REEP6: variants seen among roughly 807,000 people sequenced by gnomAD.
The protein encoded by REEP6 is receptor accessory protein 6.
In REEP6, 19 loss-of-function variants were observed where a neutral mutation model predicts 22.4. The observed-to-expected ratio is 0.85, with a 90% CI of 0.59 to 1.25. The LOEUF (loss-of-function observed/expected upper bound fraction) is 1.25. REEP6 is among the 50% of genes most tolerant of loss of function. The pLI is 0.00. For missense variants in REEP6, 273 were observed against 251.9 expected (o/e 1.08, Z -0.57); for synonymous variants, 121 against 113.6 (o/e 1.06, Z -0.41).
intron 4 of REEP6, among the ~76,000 whole-genome samples, chr19:1,496,871 C>A (rs149111387): frequency 6.6e-6 from 1 of 152,078 alleles, no homozygotes; most frequent in African/African-American, 2.4e-5. Context: ...TGTTTTCTCA[C>A]GTGTGCATAT....
rs746717467 is a variant in REEP6 at position 1,497,143 on chromosome 19, G to A, written c.518-31G>A. The A allele has an allele frequency of 8.1e-6, 11 of 1,351,128 alleles. No homozygotes were observed. Among genetic ancestry groups the A allele is most frequent in the South Asian group, 3.0e-5 (2 of 65,960 alleles). The allele number at this position is 1,351,128 out of a possible 1,614,324, so 83.7% of individuals were successfully genotyped here. ...TCCGGGGAGCCCAGGCCTGCCTCAC[G>A]GCCCTCCCCCACCCGCCCCTCTCTC... On this transcript the variant is annotated intron_variant, in intron 4 of 4. Coordinates refer to ENST00000233596, the MANE Select transcript of REEP6 (RefSeq NM_138393.4). This position sits in a 1 kb window ranked among gnomAD's most constrained non-coding sequence, Gnocchi z 6.5.
intron 1 of REEP6, among the ~76,000 whole-genome samples, chr19:1,492,207 T>A (rs907587363): frequency 4.6e-5 from 7 of 152,104 alleles, no homozygotes; most frequent in Non-Finnish European, 1.0e-4. Context: ...CTCCACCTCC[T>A]GGGTTCAAGC....
chr19:1,495,137 G>A (rs1008374937), intron 1 of REEP6, among the ~76,000 whole-genome samples, 157 bp from the exon 2 acceptor site: 4 of 152,234 alleles, frequency 2.6e-5, no homozygotes, highest in Admixed American at 6.5e-5. Context: ...CACGATGGGG[G>A]ATGTACAGGC....
At position 1,491,499 on chromosome 19, in the gene REEP6, G is replaced by A. The variant is rs2084938946; in HGVS notation, c.115+115G>A. Reference sequence around the variant, plus strand: ...GGGTCCGGTCCGGCCGGTGGAGCGCGCGAGGTGACTGGGACCTCGAGGTCC... The same window carrying A: ...GGGTCCGGTCCGGCCGGTGGAGCGCACGAGGTGACTGGGACCTCGAGGTCC... On this transcript the variant is annotated intron_variant, in intron 1 of 4. Transcript: ENST00000233596. The surrounding 1 kb of genome is among the most constrained non-coding windows in gnomAD (Gnocchi z 5.4). The A allele has an allele frequency of 2.8e-5, 19 of 671,938 alleles. No individual in the cohort carries two copies. The highest frequency in any genetic ancestry group is 4.0e-5 in the Non-Finnish European group (18 of 454,772). 41.6% of individuals were successfully genotyped at this position (671,938 alleles called of 1,614,324 possible). A position where few individuals can be genotyped will look rare whatever the true frequency, so the allele number is the denominator to read the frequency against.
intron 1 of REEP6, among the ~76,000 whole-genome samples, chr19:1,494,266 A>G (rs893659971): frequency 2.6e-5 from 4 of 152,082 alleles, no homozygotes; most frequent in African/African-American, 9.7e-5. Flanking sequence ...GGGGATCGAG[A>G]TGCTGGGGTT....
At chr19:1,493,807 G>A (rs1438449129) in intron 1 of REEP6, among the ~76,000 whole-genome samples, 1 of 151,786 alleles carries the variant, frequency 6.6e-6, no homozygotes, top group Non-Finnish European at 1.5e-5. Context: ...GTGCAGAAAG[G>A]CTGATGGCGG....
chr19:1,492,301 T>A (rs1320683924), intron 1 of REEP6, among the ~76,000 whole-genome samples: 1 of 151,972 alleles, frequency 6.6e-6, no homozygotes, highest in Non-Finnish European at 1.5e-5. Context: ...TTTTAGCCGT[T>A]CAACATGGTG....
At position 1,497,787 on chromosome 19, in the gene REEP6, A is replaced by G. The variant is rs1165350599; in HGVS notation, c.*576A>G. 2 of 470,408 alleles carry G rather than the reference A, an allele frequency of 4.3e-6. No homozygotes were observed. The highest frequency in any genetic ancestry group is 4.7e-5 in the Admixed American group (2 of 42,560). The allele number at this position is 470,408 out of a possible 1,614,324, so 29.1% of individuals were successfully genotyped here. ...CGAGCTGGTCCCCTGCCATTCCGGG[A>G]CCTCTCTGGAGTACACTTCGGAGTC... On this transcript the variant is annotated 3_prime_UTR_variant, in exon 5 of 5. Transcript: ENST00000233596. This position sits in a 1 kb window ranked among gnomAD's most constrained non-coding sequence, Gnocchi z 6.5.
chr19:1,496,773 G>A, intron 4 of REEP6: 1 of 609,686 alleles, frequency 1.6e-6, no homozygotes, highest in East Asian at 3.0e-5. Flanking sequence ...ATGTATTATT[G>A]TGTGTGCATG....
chr19:1,495,068 C>T (rs1344681043), intron 1 of REEP6, among the ~76,000 whole-genome samples: 1 of 152,220 alleles, frequency 6.6e-6, no homozygotes, highest in Non-Finnish European at 1.5e-5. Context: ...AGCTCTCAAC[C>T]CCGGTGGGGG....
rs2244801 is a variant in REEP6 at position 1,497,122 on chromosome 19, G to T, written c.518-52G>T. On this transcript the variant is annotated intron_variant, in intron 4 of 4. Transcript: ENST00000233596. The surrounding 1 kb of genome is among the most constrained non-coding windows in gnomAD (Gnocchi z 6.5). ...TCAGTCCCGCCTGCGAGCAGCTCCG[G>T]GGAGCCCAGGCCTGCCTCACGGCCC... 454,829 of 1,304,554 alleles carry T rather than the reference G, an allele frequency of 0.35. 91,214 individuals are homozygous for T. Among genetic ancestry groups the T allele is most frequent in the African/African-American group, 0.64 (42,434 of 65,884 alleles). 80.8% of individuals were successfully genotyped at this position (1,304,554 alleles called of 1,614,324 possible). A position where few individuals can be genotyped will look rare whatever the true frequency, so the allele number is the denominator to read the frequency against.
At chr19:1,495,685 T>C in intron 3 of REEP6, 78 bp downstream of exon 3, 1 of 1,578,540 alleles carries the variant, frequency 6.3e-7, no homozygotes, top group Non-Finnish European at 8.7e-7. Context: ...GGCCAGAAAG[T>C]CCGGAGGATA....
chr19:1,495,256 G>A (rs749994187), intron 1 of REEP6, 38 bp from the exon 2 acceptor site: 1 of 1,598,646 alleles, frequency 6.3e-7, no homozygotes, highest in South Asian at 1.1e-5. Context: ...GGCTCAGCGG[G>A]TCCCCAGCCC....
intron 1 of REEP6, among the ~76,000 whole-genome samples, chr19:1,492,767 C>T (rs914226114): frequency 6.6e-6 from 1 of 152,090 alleles, no homozygotes; most frequent in Non-Finnish European, 1.5e-5. Context: ...TCTGGGGGTT[C>T]CCATGCCAGG....
At position 1,497,289 on chromosome 19, in the gene REEP6, T is replaced by C. The variant is rs1156679451; in HGVS notation, c.*78T>C. The C allele has an allele frequency of 7.6e-7, 1 of 1,308,680 alleles. No homozygotes were observed. Among genetic ancestry groups the C allele is most frequent in the Non-Finnish European group, 1.1e-6 (1 of 925,578 alleles). The allele number at this position is 1,308,680 out of a possible 1,614,324, so 81.1% of individuals were successfully genotyped here. A position where few individuals can be genotyped will look rare whatever the true frequency, so the allele number is the denominator to read the frequency against. Reference sequence around the variant, plus strand: ...GCCAGGCTCCCAGGCCTCCACAGAGTCTTCAGCGCATCCCCCAACAGCAGC... The same window carrying C: ...GCCAGGCTCCCAGGCCTCCACAGAGCCTTCAGCGCATCCCCCAACAGCAGC... On this transcript the variant is annotated 3_prime_UTR_variant, in exon 5 of 5. Transcript: ENST00000233596. The surrounding 1 kb of genome is among the most constrained non-coding windows in gnomAD (Gnocchi z 6.5).
At chr19:1,495,751 C>G (rs767074336) in intron 3 of REEP6, 144 bp downstream of exon 3, 6 of 1,188,362 alleles carry the variant, frequency 5.0e-6, no homozygotes, top group Non-Finnish European at 7.0e-6. Flanking sequence ...GGAAACGAGC[C>G]CTGTCCGGGG....
Position 1,496,429 on chromosome 19 carries a change from G to A in REEP6, c.493G>A (p.Ala165Thr), listed in dbSNP as rs201091937. 78 of 1,612,410 alleles carry A rather than the reference G, an allele frequency of 4.8e-5. No homozygotes were observed. The highest frequency in any genetic ancestry group is 6.3e-5 in the Non-Finnish European group (74 of 1,179,498). The change falls in exon 4 of 5, where the codon GCG becomes ACG. Residue 165 changes from alanine (A) to threonine (T), a missense_variant. Ala to Thr is a moderately conservative substitution (Grantham distance 58). Coordinates refer to ENST00000233596, the MANE Select transcript of REEP6 (RefSeq NM_138393.4). ...MNDLSGRALD[A>T]AAGITRNVKP... ...CGACCTCAGCGGGCGAGCCCTGGAC[G>A]CGGCGGCCGGAATAACCAGGAACGG...
At chr19:1,493,260 G>T (rs980860351) in intron 1 of REEP6, among the ~76,000 whole-genome samples, 10 of 152,162 alleles carry the variant, frequency 6.6e-5, no homozygotes, top group Admixed American at 1.3e-4. Context: ...AGAGATGGCA[G>T]TCCCTCATCC....
Position 1,497,148 on chromosome 19 carries a change from T to TC in REEP6, c.518-21dup. 6 of 886,380 alleles carry TC rather than the reference T, an allele frequency of 6.8e-6. No homozygotes were observed. The highest frequency in any genetic ancestry group is 2.0e-5 in the South Asian group (1 of 48,970). The allele number at this position is 886,380 out of a possible 1,614,324, so 54.9% of individuals were successfully genotyped here. On this transcript the variant is annotated intron_variant, in intron 4 of 4. Transcript: ENST00000233596. This position sits in a 1 kb window ranked among gnomAD's most constrained non-coding sequence, Gnocchi z 6.5. Reference sequence around the variant, plus strand: ...GGAGCCCAGGCCTGCCTCACGGCCCTCCCCCACCCGCCCCTCTCTCTGCAG... The same window carrying TC: ...GGAGCCCAGGCCTGCCTCACGGCCCTCCCCCCACCCGCCCCTCTCTCTGCAG...
Sources: gnomAD v4.1 joint callset for allele counts (sites outside exome capture counted in the v4.1 genomes callset) on GRCh38, gnomAD v4.1.1 for gene constraint, Gnocchi (gnomAD v3.1) non-coding constraint, MANE v1.5 for transcripts, NCBI Gene and HGNC (gene_info 2026-07-23, HGNC 2026-07-21) for gene names.